The following CCNH variants were observed in gnomAD, a reference collection of about 807,000 sequenced individuals.
CCNH encodes cyclin H.
A neutral mutation model predicts 41.9 loss-of-function variants in CCNH; 31 were observed. That is an observed-to-expected ratio of 0.74 (90% CI 0.56 to 1.00). CCNH has a LOEUF of 1.00. Ranked by LOEUF, CCNH falls within the 50% of genes least tolerant of loss-of-function variation. CCNH has a pLI of 0.00. For synonymous variants in CCNH, 138 were observed against 136.1 expected, an observed-to-expected ratio of 1.01 and a Z score of -0.10; for missense variants, 362 against 388.4, an observed-to-expected ratio of 0.93 and a Z score of 0.57.
downstream of CCNH, among the ~76,000 whole-genome samples, chr5:87,375,886 C>T (rs532507758): frequency 4.6e-5 from 7 of 152,250 alleles, no homozygotes; most frequent in South Asian, 6.2e-4. Flanking sequence ...ATTACTTTTA[C>T]GATAAAATCC....
chr5:87,396,952 C>A (rs1763014769), intron 7 of CCNH, among the ~76,000 whole-genome samples: 1 of 152,116 alleles, frequency 6.6e-6, no homozygotes, highest in Non-Finnish European at 1.5e-5. Context: ...GGGTTTTGAT[C>A]AAAGGGAACT....
At chr5:87,408,613 G>A (rs896273326) in intron 3 of CCNH, among the ~76,000 whole-genome samples, 4 of 151,646 alleles carry the variant, frequency 2.6e-5, no homozygotes, top group Admixed American at 6.6e-5. Context: ...GAAGGCCATC[G>A]GCAGAAGTCT....
intron 9 of CCNH, among the ~76,000 whole-genome samples, chr5:87,352,077 AT>A (rs200381412): frequency 0.015 from 2,201 of 151,606 alleles, 34 homozygotes; most frequent in African/African-American, 0.041. Flanking sequence ...ATGGTATTAG[AT>A]TTTTTTATTA....
chr5:87,328,339 T>C (rs1485914633), intron 9 of CCNH, among the ~76,000 whole-genome samples: 2 of 151,958 alleles, frequency 1.3e-5, no homozygotes, highest in Non-Finnish European at 2.9e-5. Context: ...TTTAAACTTA[T>C]TTGAAAACGG....
chr5:87,340,347 G>A (rs1048620438), intron 9 of CCNH, among the ~76,000 whole-genome samples: 3 of 151,604 alleles, frequency 2.0e-5, no homozygotes, highest in African/African-American at 7.3e-5. Context: ...ATTAATAATT[G>A]TGTAAAACTC....
downstream of CCNH, among the ~76,000 whole-genome samples, chr5:87,317,657 A>T: frequency 6.8e-6 from 1 of 147,746 alleles, no homozygotes; most frequent in African/African-American, 2.5e-5. Flanking sequence ...TTCTTTTGAG[A>T]CAGAATCTTG....
intron 5 of CCNH, among the ~76,000 whole-genome samples, chr5:87,402,744 G>A (rs983350003): frequency 2.0e-5 from 3 of 152,054 alleles, no homozygotes; most frequent in Non-Finnish European, 4.4e-5. Context: ...CTGGCTACCA[G>A]TAATTCAAAA....
chr5:87,353,063 A>G (rs1031065466), intron 9 of CCNH: 1 of 951,966 alleles, frequency 1.1e-6, no homozygotes, highest in African/African-American at 1.7e-5. Context: ...AAATTTGCTA[A>G]TTAGATAATC....
At chr5:87,407,917 C>A (rs1763916695) in intron 4 of CCNH, 59 bp downstream of exon 4, 9 of 1,323,602 alleles carry the variant, frequency 6.8e-6, no homozygotes, top group Admixed American at 1.7e-5. Flanking sequence ...ATTTTGGATT[C>A]TTTTGTTAAA....
At chr5:87,324,956 T>TA (rs1757115511) in intron 9 of CCNH, among the ~76,000 whole-genome samples, 1 of 152,198 alleles carries the variant, frequency 6.6e-6, no homozygotes, top group Non-Finnish European at 1.5e-5. Flanking sequence ...TTAATTTTTT[T>TA]ATTTTTTTTT....
intron 6 of CCNH, among the ~76,000 whole-genome samples, chr5:87,400,296 G>T (rs1167525959): frequency 6.6e-6 from 1 of 152,162 alleles, no homozygotes. Context: ...CAGTATCTAT[G>T]TTCCAAAAAT....
intron 9 of CCNH, among the ~76,000 whole-genome samples, chr5:87,364,996 C>T (rs987171027): frequency 1.3e-5 from 2 of 152,104 alleles, no homozygotes; most frequent in African/African-American, 4.8e-5. Flanking sequence ...GGAGAGGCAA[C>T]ACTATTCACT....
At chr5:87,386,095 A>AT (rs1762045117) in intron 9 of CCNH, among the ~76,000 whole-genome samples, 2 of 152,032 alleles carry the variant, frequency 1.3e-5, no homozygotes, top group African/African-American at 4.8e-5. Context: ...GCCAGAACTC[A>AT]TTGGGTACTA....
chr5:87,376,710 A>G (rs529868312), exon 1 of CCNH: 331 of 1,261,428 alleles, frequency 2.6e-4, no homozygotes, highest in Middle Eastern at 2.2e-3. Context: ...TTTATACTGT[A>G]ATTTTGGTAG....
chr5:87,346,720 G>T, intron 9 of CCNH: 1 of 1,546,768 alleles, frequency 6.5e-7, no homozygotes, highest in South Asian at 1.1e-5. Flanking sequence ...ATTTACTAAT[G>T]ACAGGTACTT....
intron 6 of CCNH, among the ~76,000 whole-genome samples, chr5:87,400,999 C>T (rs1763365082): frequency 6.6e-6 from 1 of 152,210 alleles, no homozygotes; most frequent in South Asian, 2.1e-4. Context: ...TTACGCAGGG[C>T]TGTATTAGTT....
At chr5:87,331,310 C>A in intron 9 of CCNH, 1 of 1,554,432 alleles carries the variant, frequency 6.4e-7, no homozygotes. Context: ...TCTGCACTTG[C>A]TATTTATATT....
chr5:87,354,035 G>A (rs1442480094), intron 9 of CCNH, among the ~76,000 whole-genome samples: 2 of 152,028 alleles, frequency 1.3e-5, no homozygotes, highest in African/African-American at 4.8e-5. Flanking sequence ...GTACCCAGCT[G>A]CAATTGTACA....
At chr5:87,393,170 G>GTAAC (rs1762644928), downstream of CCNH, among the ~76,000 whole-genome samples, 1 of 152,036 alleles carries the variant, frequency 6.6e-6, no homozygotes, top group African/African-American at 2.4e-5. Context: ...TAAAATAGAT[G>GTAAC]TAACTATAAT....
Sources: gnomAD v4.1 joint callset for allele counts (sites outside exome capture counted in the v4.1 genomes callset) on GRCh38, gnomAD v4.1.1 for gene constraint, MANE v1.5 for transcripts, NCBI Gene and HGNC (gene_info 2026-07-23, HGNC 2026-07-21) for gene names.